Variants in KIR2DL4 observed in about 807,000 individuals in gnomAD.
The protein encoded by KIR2DL4 is killer cell immunoglobulin like receptor, two Ig domains and long cytoplasmic tail 4.
KIR2DL4 carries 41 observed loss-of-function variants against 31.0 expected under a neutral mutation model. The ratio of observed to expected loss-of-function variants is 1.32; its 90% CI spans 1.03 to 1.72. The LOEUF (loss-of-function observed/expected upper bound fraction) is 1.72. KIR2DL4 is among the 40% of genes most tolerant of loss of function. The pLI, the probability that KIR2DL4 is intolerant of heterozygous loss-of-function variation, is 0.00. For missense variants in KIR2DL4, 438 were observed against 353.7 expected, an observed-to-expected ratio of 1.24 and a Z score of -1.91; for synonymous variants, 164 against 133.6, an observed-to-expected ratio of 1.23 and a Z score of -1.57.
rs757342419 is a variant in KIR2DL4, at chr19:54,806,027, C to A, written c.438C>A (p.Cys146Ter). 8 of 1,611,372 alleles carry A rather than the reference C, an allele frequency of 5.0e-6. No homozygotes were observed. In the Admixed American group the frequency reaches 1.2e-4, roughly 24 times the overall value. Residue 146 changes from cysteine to a stop codon, truncating the protein, a stop_gained, in exon 4 of 8, where the codon TGC (cysteine) becomes TGA (stop). Transcript: ENST00000359085. LOFTEE classifies it high-confidence loss of function. The stretch of plus-strand genomic sequence containing the variant: ...CAGGAGAGAACGTGACCTTGTCCTG[C>A]AGCTCCCAGAGCTCCTTTGACATCT...
rs551174013 is a variant in KIR2DL4, at chr19:54,813,589, C to T, written c.811-101C>T. Reference sequence around the variant, plus strand: ...GTCTGGCTGTTGGCAGCTGAGGGACCTCAGGCACCTATGGCCTCCCCCTGT... The same window carrying T: ...GTCTGGCTGTTGGCAGCTGAGGGACTTCAGGCACCTATGGCCTCCCCCTGT... On this transcript the variant is annotated intron_variant, in intron 6 of 7. Transcript: ENST00000359085. 12 of 1,245,620 alleles carry T rather than the reference C, an allele frequency of 9.6e-6. No homozygotes were observed. In the Admixed American group the frequency reaches 2.2e-4, roughly 23 times the overall value. 77.2% of individuals were successfully genotyped at this position (1,245,620 alleles called of 1,614,324 possible).
rs370135620 is a variant in KIR2DL4, at chr19:54,804,877, G to A, written c.161G>A (p.Arg54His). Residue 54 changes from arginine to histidine, a missense_variant, in exon 3 of 8, where the codon CGT (arginine) becomes CAT (histidine). Arg to His is a conservative substitution (Grantham distance 29). Transcript: ENST00000359085. Reference sequence around the variant, plus strand: ...CACGTGACTCTTCGGTGTCACTATCGTCGTGGGTTTAACATCTTCACGCTG... The same window carrying A: ...CACGTGACTCTTCGGTGTCACTATCATCGTGGGTTTAACATCTTCACGCTG... 89 of 1,612,130 alleles carry A rather than the reference G, an allele frequency of 5.5e-5. 1 individual carries two copies. The highest frequency in any genetic ancestry group is 3.3e-4 in the Middle Eastern group (2 of 6,072).
At chr19:54,809,407 G>A (rs1415578802) in intron 5 of KIR2DL4, among the ~76,000 whole-genome samples, 1 of 150,692 alleles carries the variant, frequency 6.6e-6, no homozygotes, top group Non-Finnish European at 1.5e-5. Context: ...ACTGTGCAGT[G>A]TGGAACCTTT....
In KIR2DL4 at chr19:54,813,692, G is replaced by A. The variant is rs201370666; in HGVS notation, c.813G>A (p.Met271Ile). ...TTGATTGCTTCCGTCTCCTACAGAT[G>A]CTGCTGTAATGAACCAAGAGCCTGC... Residue 271 changes from methionine to isoleucine, a missense_variant and splice_region_variant, in exon 7 of 8, where the codon ATG (methionine) becomes ATA (isoleucine). Physicochemically the swap from Met to Ile is conservative, Grantham distance 10. Coordinates refer to ENST00000359085, the Ensembl canonical transcript of KIR2DL4. The A allele has an allele frequency of 4.0e-4, 643 of 1,611,954 alleles. 17 individuals are homozygous for A. The African/African-American group carries it at 8.0e-3, about 20-fold the overall frequency.
At chr19:54,807,739 CT>C (rs1371959238) in intron 4 of KIR2DL4, among the ~76,000 whole-genome samples, 2 of 149,108 alleles carry the variant, frequency 1.3e-5, no homozygotes, top group African/African-American at 5.0e-5. Context: ...TGCCTAATCT[CT>C]TTTTAGTTTT....
chr19:54,803,670 G>T, exon 1 of KIR2DL4: 2 of 1,612,276 alleles, frequency 1.2e-6, no homozygotes, highest in Non-Finnish European at 1.7e-6. Flanking sequence ...GTCACCCACG[G>T]TCATCATCCT....
At chr19:54,804,677 G>A (rs2147878245) in intron 2 of KIR2DL4, 116 bp from the exon 3 acceptor site, 1 of 1,123,628 alleles carries the variant, frequency 8.9e-7, no homozygotes, top group South Asian at 1.5e-5. Context: ...GTAGCCCCAG[G>A]CACCCAGGTG....
intron 5 of KIR2DL4, among the ~76,000 whole-genome samples, chr19:54,812,309 A>G (rs1331378608): frequency 1.3e-5 from 2 of 151,322 alleles, no homozygotes; most frequent in African/African-American, 4.9e-5. Flanking sequence ...TGCTCAGGAC[A>G]CATGGAGTCA....
exon 8 of KIR2DL4, chr19:54,814,418 C>T: frequency 5.0e-6 from 2 of 396,382 alleles, no homozygotes; most frequent in African/African-American, 2.1e-5. Context: ...TTCCACCTTT[C>T]CTCAGACTAT....
At chr19:54,804,943 G>C (rs1258790404) in exon 3 of KIR2DL4, 1 of 1,611,910 alleles carries the variant, frequency 6.2e-7, no homozygotes, top group Non-Finnish European at 8.5e-7. Flanking sequence ...CTCTACAACA[G>C]AATATTCTGG....
At chr19:54,813,095 G>T in intron 5 of KIR2DL4, 1 of 1,422,080 alleles carries the variant, frequency 7.0e-7, no homozygotes, top group South Asian at 1.2e-5. Context: ...GCTATGGTTA[G>T]CTTCTTATTG....
chr19:54,813,854 C>T, exon 8 of KIR2DL4: 1 of 1,612,456 alleles, frequency 6.2e-7, no homozygotes, highest in Admixed American at 1.7e-5. Context: ...CTCTGATGAA[C>T]AAGACCCTCA....
chr19:54,807,086 C>G (rs2060575325), intron 4 of KIR2DL4, among the ~76,000 whole-genome samples: 1 of 150,768 alleles, frequency 6.6e-6, no homozygotes, highest in African/African-American at 2.5e-5. Flanking sequence ...CCTCTGGTAT[C>G]CACCATTCTA....
chr19:54,804,019 G>A (rs955937544), intron 2 of KIR2DL4, 93 bp downstream of exon 2: 7 of 1,160,276 alleles, frequency 6.0e-6, no homozygotes, highest in Non-Finnish European at 8.9e-6. Flanking sequence ...AGGGTGGGCT[G>A]ATGGGCTGAC....
rs1471266367 is a variant in KIR2DL4 at position 54,813,065 on chromosome 19, A to G, written c.707-60A>G. The G allele has an allele frequency of 1.3e-5, 16 of 1,274,466 alleles. No individual in the cohort carries two copies. In the East Asian group the frequency reaches 2.6e-4, roughly 20 times the overall value. 78.9% of individuals were successfully genotyped at this position (1,274,466 alleles called of 1,614,324 possible). A position where few individuals can be genotyped will look rare whatever the true frequency, so the allele number is the denominator to read the frequency against. On this transcript the variant is annotated intron_variant, in intron 5 of 7. Coordinates refer to ENST00000359085, the Ensembl canonical transcript of KIR2DL4. ...TTGCCTGGCAACCAAGAAATGAGAG[A>G]CAATCCACAAAGAGGAACTGCTATG...
chr19:54,813,586 G>A (rs2061008482), intron 6 of KIR2DL4, 104 bp from the exon 6 acceptor site: 1 of 1,183,912 alleles, frequency 8.4e-7, no homozygotes. Flanking sequence ...GCAGCTGAGG[G>A]ACCTCAGGCA....
At position 54,810,298 on chromosome 19, in the gene KIR2DL4, A is replaced by T. The variant is rs370767457; in HGVS notation, c.706+1415A>T. On this transcript the variant is annotated intron_variant, in intron 5 of 7. Transcript: ENST00000359085. ...CACGCCTGGCTAATTTTTTTTTGGT[A>T]TTTTTTTTTAGTACAGACAAGGTTT... Among the ~76,000 whole-genome samples, 141 of 148,434 alleles carry T rather than the reference A, an allele frequency of 9.5e-4. 7 individuals carry two copies. Among genetic ancestry groups the T allele is most frequent in the African/African-American group, 3.3e-3 (133 of 40,012 alleles).
exon 8 of KIR2DL4, chr19:54,814,186 G>A: frequency 1.3e-6 from 2 of 1,517,908 alleles, no homozygotes; most frequent in South Asian, 1.2e-5. Context: ...GCTTACCAAT[G>A]TCTAAGGTCC....
intron 5 of KIR2DL4, among the ~76,000 whole-genome samples, chr19:54,810,356 A>G (rs1218036961): frequency 1.3e-5 from 2 of 150,418 alleles, no homozygotes; most frequent in Non-Finnish European, 3.0e-5. Flanking sequence ...CAAACTCCCA[A>G]CCTTAAGGGA....
Sources: gnomAD v4.1 joint callset for allele counts (sites outside exome capture counted in the v4.1 genomes callset) on GRCh38, gnomAD v4.1.1 for gene constraint, MANE v1.5 for transcripts, NCBI Gene and HGNC (gene_info 2026-07-23, HGNC 2026-07-21) for gene names.